PPP2R2C: variants seen among roughly 807,000 people sequenced by gnomAD.
The protein encoded by PPP2R2C is protein phosphatase 2 regulatory subunit Bgamma.
In PPP2R2C, 10 loss-of-function variants were observed where a neutral mutation model predicts 45.3. That is an observed-to-expected ratio of 0.22 (90% CI 0.14 to 0.37). The LOEUF (loss-of-function observed/expected upper bound fraction) is 0.37, where lower values mean the gene tolerates loss of function less well. PPP2R2C is among the 10% of genes least tolerant of loss of function. The pLI is 1.00. For missense variants in PPP2R2C, 308 were observed against 619.7 expected (o/e 0.50, Z 5.34); for synonymous variants, 257 against 245.4 (o/e 1.05, Z -0.44).
Position 6,481,842 on chromosome 4 carries a change from G to A in PPP2R2C, c.49+53429C>T, listed in dbSNP as rs533905066. 5.9e-5 allele frequency among the ~76,000 whole-genome samples: 9 copies of A among 152,116 alleles called. No homozygotes were observed. The South Asian group carries it at 1.9e-3, about 32-fold the overall frequency. ...AAAAATACAAAAATCAGCCAGGCATGGTGGCACGTGCCTGTAGTCCCAGCT... is the reference window on the plus strand; with the variant it reads ...AAAAATACAAAAATCAGCCAGGCATAGTGGCACGTGCCTGTAGTCCCAGCT... On this transcript the variant is annotated intron_variant, in intron 2 of 9. Transcript: ENST00000506140.
intron 1 of PPP2R2C, chr4:6,384,226 G>C: frequency 1.0e-6 from 1 of 985,448 alleles, no homozygotes; most frequent in South Asian, 4.7e-5. Flanking sequence ...TGGGGCGCTG[G>C]TTCTTGCTAT....
intron 1 of PPP2R2C, among the ~76,000 whole-genome samples, chr4:6,539,188 C>T (rs908763189): frequency 6.6e-6 from 1 of 151,586 alleles, no homozygotes; most frequent in African/African-American, 2.4e-5. Flanking sequence ...CAGACACACA[C>T]ACATAGGGAG....
At chr4:6,448,548 G>A (rs547110494) in intron 1 of PPP2R2C, among the ~76,000 whole-genome samples, 77 of 152,186 alleles carry the variant, frequency 5.1e-4, no homozygotes, top group African/African-American at 1.7e-3. Context: ...GCCGAGGGGT[G>A]AGGAGGCCAC....
In PPP2R2C at chr4:6,383,508, C is replaced by G. The variant is rs893967951; in HGVS notation, c.71-2414G>C. 4.6e-6 allele frequency: 5 copies of G among 1,083,472 alleles called. No individual in the cohort carries two copies. The African/African-American group carries it at 8.2e-5, about 18-fold the overall frequency. The allele number at this position is 1,083,472 out of a possible 1,614,324, so 67.1% of individuals were successfully genotyped here. A position where few individuals can be genotyped will look rare whatever the true frequency, so the allele number is the denominator to read the frequency against. ...GTCCTGGCCACCTGCTGTCCCAAGACCTGCTCTCTCGGCCTGCAGTGGCTT... is the reference window on the plus strand; with the variant it reads ...GTCCTGGCCACCTGCTGTCCCAAGAGCTGCTCTCTCGGCCTGCAGTGGCTT... On this transcript the variant is annotated intron_variant, in intron 1 of 8. Transcript: ENST00000382599.
chr4:6,484,326 C>G (rs1722464734), intron 2 of PPP2R2C, among the ~76,000 whole-genome samples: 1 of 151,906 alleles, frequency 6.6e-6, no homozygotes, highest in Admixed American at 6.6e-5. Context: ...CTCTGTATTG[C>G]ATTCCCTTGA....
chr4:6,348,155 G>C (rs1353621072), intron 5 of PPP2R2C, 145 bp from the exon 6 acceptor site: 1 of 918,168 alleles, frequency 1.1e-6, no homozygotes, highest in Non-Finnish European at 1.6e-6. Context: ...CTCAAAATGC[G>C]TCCCCCTGAG....
At chr4:6,427,915 T>C (rs1353308913) in intron 1 of PPP2R2C, among the ~76,000 whole-genome samples, 1 of 152,150 alleles carries the variant, frequency 6.6e-6, no homozygotes, top group Admixed American at 6.5e-5. Context: ...CTGGATGACT[T>C]AGCATCTCAG....
chr4:6,472,579 T>TGCGCTGCGCC lies in PPP2R2C; in HGVS notation c.-360_-351dup, dbSNP rs1560573493. On this transcript the variant is annotated 5_prime_UTR_variant, in exon 1 of 9. Coordinates refer to ENST00000382599, the MANE Select transcript of PPP2R2C (RefSeq NM_020416.4). Reference sequence around the variant, plus strand: ...GGCGGCGAGGGGACGCGCGCGGCGCTGCGCTGCGCCGACCAAGCCGGGGCC... The same window carrying TGCGCTGCGCC: ...GGCGGCGAGGGGACGCGCGCGGCGCTGCGCTGCGCCGCGCTGCGCCGACCAAGCCGGGGCC... 6.8e-6 allele frequency: 1 copy of TGCGCTGCGCC among 146,044 alleles called. No individual in the cohort carries two copies. The highest frequency in any genetic ancestry group is 1.5e-5 in the Non-Finnish European group (1 of 65,900). The allele number at this position is 146,044 out of a possible 1,614,324, so 9.0% of individuals were successfully genotyped here.
chr4:6,335,387 G>A (rs1185065995), intron 6 of PPP2R2C, among the ~76,000 whole-genome samples: 1 of 152,124 alleles, frequency 6.6e-6, no homozygotes, highest in African/African-American at 2.4e-5. Context: ...CCTGGAGAGG[G>A]GTGTGCTGGG....
chr4:6,520,662 C>CTTTGT (rs1723989756), intron 2 of PPP2R2C, among the ~76,000 whole-genome samples: 1 of 152,230 alleles, frequency 6.6e-6, no homozygotes, highest in African/African-American at 2.4e-5. Context: ...GCCTTCCTCA[C>CTTTGT]CTCCACTTTG....
intron 3 of PPP2R2C, among the ~76,000 whole-genome samples, chr4:6,376,613 C>T (rs1715322738): frequency 6.6e-6 from 1 of 152,104 alleles, no homozygotes; most frequent in African/African-American, 2.4e-5. Flanking sequence ...ACCACCACAC[C>T]TGGCTAATAT....
Position 6,337,108 on chromosome 4 carries a change from GTGTGTATATATATATA to G in PPP2R2C, c.791-3393_791-3378del, listed in dbSNP as rs1221823981. Among the ~76,000 whole-genome samples, 89 of 33,246 alleles carry G rather than the reference GTGTGTATATATATATA, an allele frequency of 2.7e-3. 4 individuals carry two copies. The highest frequency in any genetic ancestry group is 0.013 in the East Asian group (11 of 868). The allele number at this position is 33,246 out of a possible 152,430, so 21.8% of individuals were successfully genotyped here. A position where few individuals can be genotyped will look rare whatever the true frequency, so the allele number is the denominator to read the frequency against. On this transcript the variant is annotated intron_variant, in intron 6 of 8. Coordinates refer to ENST00000382599, the MANE Select transcript of PPP2R2C (RefSeq NM_020416.4). ...TTGGCATCTTTGTTTCTGTATGTGT[GTGTGTATATATATATA>G]TATATATATATATATATATATATAT...
intron 1 of PPP2R2C, among the ~76,000 whole-genome samples, chr4:6,449,223 G>A (rs16838853): frequency 0.22 from 33,975 of 152,000 alleles, 3,943 homozygotes; most frequent in East Asian, 0.41. Context: ...AGCACCGTGC[G>A]AAACGGGAAA....
chr4:6,528,668 G>A (rs1724293622), intron 2 of PPP2R2C, among the ~76,000 whole-genome samples: 1 of 152,192 alleles, frequency 6.6e-6, no homozygotes, highest in East Asian at 1.9e-4. Flanking sequence ...TACACATCCA[G>A]ATGGCCAGTT....
At chr4:6,392,704 A>T (rs1716737087) in intron 1 of PPP2R2C, among the ~76,000 whole-genome samples, 1 of 152,202 alleles carries the variant, frequency 6.6e-6, no homozygotes, top group Non-Finnish European at 1.5e-5. Context: ...GCAGGCCGGG[A>T]GAGGCCTGAG....
intron 1 of PPP2R2C, among the ~76,000 whole-genome samples, chr4:6,448,852 G>A (rs771399853): frequency 6.6e-6 from 1 of 152,182 alleles, no homozygotes; most frequent in African/African-American, 2.4e-5. Flanking sequence ...CTGCACGAAG[G>A]CTCACGGAGG....
intron 1 of PPP2R2C, among the ~76,000 whole-genome samples, chr4:6,428,187 T>G (rs1288592422): frequency 6.6e-6 from 1 of 152,224 alleles, no homozygotes; most frequent in Non-Finnish European, 1.5e-5. Context: ...CAAGACTGTT[T>G]GGTGGGTATC....
rs186729285 is a variant in PPP2R2C, at chr4:6,364,637, G to A, written c.625+7886C>T. On this transcript the variant is annotated intron_variant, in intron 5 of 8. Coordinates refer to ENST00000382599, the MANE Select transcript of PPP2R2C (RefSeq NM_020416.4). The surrounding 1 kb of genome is among the most constrained non-coding windows in gnomAD (Gnocchi z 5.3). ...CGTAGCACCCAGTCCTCAAGCAGCC[G>A]TATGGTGTCAGCAGGGGCTTTTCCT... 9.8e-5 allele frequency among the ~76,000 whole-genome samples: 15 copies of A among 152,308 alleles called. No homozygotes were observed. Among genetic ancestry groups the A allele is most frequent in the East Asian group, 3.9e-4 (2 of 5,186 alleles).
intron 5 of PPP2R2C, chr4:6,351,000 A>G (rs1251320092): frequency 1.0e-6 from 1 of 985,258 alleles, no homozygotes; most frequent in Non-Finnish European, 1.2e-6. Flanking sequence ...GGGATGTTTC[A>G]GAACTTTTCA....
Sources: gnomAD v4.1 joint callset for allele counts (sites outside exome capture counted in the v4.1 genomes callset) on GRCh38, gnomAD v4.1.1 for gene constraint, Gnocchi (gnomAD v3.1) non-coding constraint, MANE v1.5 for transcripts, NCBI Gene and HGNC (gene_info 2026-07-23, HGNC 2026-07-21) for gene names.